TRANK1: variants seen among roughly 807,000 people sequenced by gnomAD.
TRANK1 encodes the protein tetratricopeptide repeat and ankyrin repeat containing 1.
Under a neutral mutation model 266.0 loss-of-function variants are expected in TRANK1, and 198 were observed. The ratio of observed to expected loss-of-function variants is 0.74; its 90% CI spans 0.66 to 0.84. The LOEUF is 0.84. Ranked by LOEUF, TRANK1 falls within the 40% of genes least tolerant of loss-of-function variation. The pLI, the probability that TRANK1 is intolerant of heterozygous loss-of-function variation, is 0.00. For missense variants in TRANK1, 3,326 were observed against 3,634.6 expected (o/e 0.92, Z 2.18); for synonymous variants, 1,396 against 1,384.1 (o/e 1.01, Z -0.19).
At chr3:36,861,183 A>G in intron 10 of TRANK1, 23 bp from the exon 11 acceptor site, 1 of 1,529,540 alleles carries the variant, frequency 6.5e-7, no homozygotes, top group Non-Finnish European at 8.8e-7. Flanking sequence ...AGAGTAAGAC[A>G]CATTCCAAAA....
chr3:36,864,599 T>C (rs1315627630), intron 9 of TRANK1, 119 bp from the exon 10 acceptor site: 72 of 920,296 alleles, frequency 7.8e-5, no homozygotes, highest in Non-Finnish European at 1.1e-4. Flanking sequence ...TGTGACTTGC[T>C]GCTCCTCTCA....
At chr3:36,912,117 G>A (rs2080060860) in intron 1 of TRANK1, among the ~76,000 whole-genome samples, 1 of 151,988 alleles carries the variant, frequency 6.6e-6, no homozygotes, top group Non-Finnish European at 1.5e-5. Flanking sequence ...TTAAGCCCAG[G>A]AGATGCAGGT....
chr3:36,913,372 ATCTT>A (rs2080080062), intron 1 of TRANK1, among the ~76,000 whole-genome samples: 2 of 148,042 alleles, frequency 1.4e-5, no homozygotes, highest in African/African-American at 5.0e-5. Flanking sequence ...CTTTCTATCT[ATCTT>A]TCTTTCTTGC....
intron 4 of TRANK1, among the ~76,000 whole-genome samples, chr3:36,896,251 T>C (rs1462959920): frequency 6.6e-6 from 1 of 152,196 alleles, no homozygotes; most frequent in African/African-American, 2.4e-5. Context: ...CTACCAACTC[T>C]TGTCATCAAT....
intron 20 of TRANK1, among the ~76,000 whole-genome samples, chr3:36,837,337 A>C (rs2078784070): frequency 6.6e-6 from 1 of 152,180 alleles, no homozygotes; most frequent in Non-Finnish European, 1.5e-5. Context: ...CAGGGTAGGC[A>C]GCATCTGGAG....
intron 1 of TRANK1, among the ~76,000 whole-genome samples, chr3:36,925,382 CT>C (rs1035457965): frequency 1.3e-5 from 2 of 151,970 alleles, no homozygotes; most frequent in African/African-American, 4.8e-5. Flanking sequence ...CTATCTTCCT[CT>C]TTTTTTTCTG....
chr3:36,898,905 GA>G (rs995012143), intron 4 of TRANK1, among the ~76,000 whole-genome samples: 3 of 151,416 alleles, frequency 2.0e-5, no homozygotes, highest in Non-Finnish European at 4.4e-5. Context: ...TCATTTATGT[GA>G]AAAGGACTTC....
intron 11 of TRANK1, among the ~76,000 whole-genome samples, chr3:36,859,312 C>T (rs568767992): frequency 4.6e-5 from 7 of 151,240 alleles, no homozygotes; most frequent in Non-Finnish European, 8.8e-5. Context: ...GATACATGTG[C>T]AGAACGTGCA....
At chr3:36,885,602 G>C (rs1170368538) in intron 8 of TRANK1, among the ~76,000 whole-genome samples, 1 of 152,312 alleles carries the variant, frequency 6.6e-6, no homozygotes, top group South Asian at 2.1e-4. Context: ...TAGCACGATC[G>C]TAGTTCACTG....
At chr3:36,864,295 A>G (rs2125557659) in intron 10 of TRANK1, 24 bp downstream of exon 10, 1 of 1,490,720 alleles carries the variant, frequency 6.7e-7, no homozygotes, top group Non-Finnish European at 8.9e-7. Context: ...TTTTAACATC[A>G]TTGAACGTTG....
intron 2 of TRANK1, among the ~76,000 whole-genome samples, chr3:36,904,117 G>C (rs942187206): frequency 1.3e-5 from 2 of 151,550 alleles, no homozygotes; most frequent in Admixed American, 6.6e-5. Flanking sequence ...CACCACACCC[G>C]GCTAATTTTT....
chr3:36,939,494 G>A (rs2080468284), intron 1 of TRANK1, among the ~76,000 whole-genome samples: 1 of 152,190 alleles, frequency 6.6e-6, no homozygotes, highest in South Asian at 2.1e-4. Context: ...AGAAATCTGG[G>A]ATCAAGTCCC....
chr3:36,892,411 C>G, intron 6 of TRANK1, 71 bp from the exon 7 acceptor site: 1 of 1,504,636 alleles, frequency 6.6e-7, no homozygotes, highest in South Asian at 1.2e-5. Flanking sequence ...ACTCCTTTAC[C>G]CATAAAGTAT....
upstream of TRANK1, among the ~76,000 whole-genome samples, chr3:36,945,515 G>A (rs1357358798): frequency 6.6e-6 from 1 of 152,190 alleles, no homozygotes; most frequent in African/African-American, 2.4e-5. Context: ...AGTGAAGGGG[G>A]CAGCGAGACC....
Position 36,857,050 on chromosome 3 carries a change from G to C in TRANK1, c.2672C>G (p.Ala891Gly). 1.2e-6 allele frequency: 2 copies of C among 1,614,028 alleles called. No individual in the cohort carries two copies. The highest frequency in any genetic ancestry group is 2.2e-5 in the East Asian group (1 of 44,888). The stretch of plus-strand genomic sequence containing the variant: ...CATCCGGGCTCCTTTGTCCAGCTTA[G>C]CTTCGAAGAGCTGGATGCTTCCTTT... The part of the protein sequence containing the change: ...HLKGSIQLFE[A>G]KLDKGARMLW... The change falls in exon 13 of 24, where the codon GCT becomes GGT. Residue 891 changes from alanine (A) to glycine (G), a missense_variant. Transcript: ENST00000645898. The surrounding 1 kb of genome is among the most constrained non-coding windows in gnomAD (Gnocchi z 4.3).
In TRANK1 at chr3:36,834,746, G is replaced by A. The variant is rs369261783; in HGVS notation, c.5663+16C>T. ...GGAGGAAGAGAGGGAGAAAGGGAGA[G>A]AATAAAACCACCTACTTTTCCACTG... is the stretch of plus-strand genomic sequence containing the variant. On this transcript the variant is annotated intron_variant, in intron 21 of 23. Coordinates refer to ENST00000645898, the MANE Select transcript of TRANK1 (RefSeq NM_001329998.2). 15 of 1,607,236 alleles carry A rather than the reference G, an allele frequency of 9.3e-6. No individual in the cohort carries two copies. The highest frequency in any genetic ancestry group is 1.3e-5 in the African/African-American group (1 of 74,532).
In TRANK1 at chr3:36,875,327, G is replaced by A. The variant is rs140231253; in HGVS notation, c.908-1031C>T. On this transcript the variant is annotated intron_variant, in intron 8 of 23. Coordinates refer to ENST00000645898, the MANE Select transcript of TRANK1 (RefSeq NM_001329998.2). ...GATGCACAAGAAATTCTCCTCTGCTGGTTTTGAAGATACAAGAGGCAGGAC... is the reference window on the plus strand; with the variant it reads ...GATGCACAAGAAATTCTCCTCTGCTAGTTTTGAAGATACAAGAGGCAGGAC... Among the ~76,000 whole-genome samples the A allele has an allele frequency of 5.9e-5, 9 of 152,338 alleles. No homozygotes were observed. In the East Asian group the frequency reaches 1.7e-3, roughly 29 times the overall value.
At chr3:36,854,967 C>A (rs1313041482) in intron 13 of TRANK1, among the ~76,000 whole-genome samples, 1 of 152,208 alleles carries the variant, frequency 6.6e-6, no homozygotes, top group African/African-American at 2.4e-5. Context: ...TCAGTTGCCA[C>A]CCAACCACAG....
intron 1 of TRANK1, among the ~76,000 whole-genome samples, chr3:36,918,530 A>AAG (rs1268343901): frequency 1.1e-4 from 2 of 18,790 alleles, no homozygotes; most frequent in African/African-American, 4.5e-4. Flanking sequence ...AAAGAAAGAA[A>AAG]GAAGGAAGGA....
Sources: allele counts gnomAD v4.1 joint callset (sites outside exome capture counted in the v4.1 genomes callset), GRCh38; gene constraint gnomAD v4.1.1; non-coding constraint Gnocchi (gnomAD v3.1); transcripts MANE v1.5; gene names NCBI Gene and HGNC (gene_info 2026-07-23, HGNC 2026-07-21).